AGRN: variants seen among roughly 807,000 people sequenced by gnomAD.
The protein encoded by AGRN is agrin.
Under a neutral mutation model 211.0 loss-of-function variants are expected in AGRN, and 106 were observed. The observed-to-expected ratio is 0.50, with a 90% CI of 0.43 to 0.59. The LOEUF (loss-of-function observed/expected upper bound fraction) is 0.59. Ranked by LOEUF, AGRN falls within the 20% of genes least tolerant of loss-of-function variation. AGRN has a pLI of 0.00. For missense variants in AGRN, 3,040 were observed against 2,982.6 expected (o/e 1.02, Z -0.45); for synonymous variants, 1,525 against 1,332.5 (o/e 1.14, Z -3.15).
At chr1:1,035,353 G>A in intron 3 of AGRN, 29 bp downstream of exon 3, 1 of 1,612,752 alleles carries the variant, frequency 6.2e-7, no homozygotes, top group Non-Finnish European at 8.5e-7. Flanking sequence ...GGGGGACCTG[G>A]ATGGGCTGTG....
chr1:1,020,647 C>G (rs1229330727), intron 1 of AGRN, among the ~76,000 whole-genome samples: 1 of 152,118 alleles, frequency 6.6e-6, no homozygotes, highest in Non-Finnish European at 1.5e-5. Context: ...GCCGCGCGCC[C>G]TCCCTACCGG....
chr1:1,051,611 T>C lies in AGRN; in HGVS notation c.5529T>C (p.Cys1843=). The C allele has an allele frequency of 6.2e-7, 1 of 1,609,796 alleles. No individual in the cohort carries two copies. The highest frequency in any genetic ancestry group is 1.1e-5 in the South Asian group (1 of 90,852). ...GGGAGGCTGCCTATGTGTGCCTGTGTCCCGGGGGATTCTCAGGACCGCACT... is the reference window on the plus strand; with the variant it reads ...GGGAGGCTGCCTATGTGTGCCTGTGCCCCGGGGGATTCTCAGGACCGCACT... ...VPREAAYVCL[C]PGGFSGPHCE... The change falls in exon 32 of 36, where the codon TGT becomes TGC. Residue 1843 remains cysteine (C), a synonymous_variant. Transcript: ENST00000379370.
At chr1:1,049,531 CCT>C (rs1391006044) in intron 25 of AGRN, 33 bp from the exon 26 acceptor site, 3 of 1,590,446 alleles carry the variant, frequency 1.9e-6, no homozygotes, top group South Asian at 2.3e-5. Flanking sequence ...GCCTGTGGCC[CCT>C]GAGCCCTGAC....
At chr1:1,033,688 C>T (rs1458553006) in intron 2 of AGRN, among the ~76,000 whole-genome samples, 1 of 128,426 alleles carries the variant, frequency 7.8e-6, no homozygotes, top group African/African-American at 3.0e-5. Context: ...CTCAGCGCCC[C>T]CAGGCCCAGC....
chr1:1,047,257 G>C, intron 19 of AGRN, 70 bp from the exon 20 acceptor site: 1 of 1,536,112 alleles, frequency 6.5e-7, no homozygotes, highest in Non-Finnish European at 8.7e-7. Flanking sequence ...CTTGCTGCTG[G>C]GGCCTGTGCC....
chr1:1,043,200 G>T, intron 7 of AGRN, 39 bp from the exon 8 acceptor site: 5 of 1,555,102 alleles, frequency 3.2e-6, no homozygotes, highest in Non-Finnish European at 4.3e-6. Flanking sequence ...CAGCGGAGGG[G>T]GGGCTTGTGG....
chr1:1,049,508 A>G lies in AGRN; in HGVS notation c.4514+57A>G, dbSNP rs112331531. On this transcript the variant is annotated intron_variant, in intron 25 of 35. Coordinates refer to ENST00000379370, the MANE Select transcript of AGRN (RefSeq NM_198576.4). The stretch of plus-strand genomic sequence containing the variant: ...CCCCGGCCCTTTGGGGTCCCGGTGT[A>G]CGAGGTGGCTTTGCCTGTGGCCCCT... The G allele has an allele frequency of 0.019, 30,700 of 1,596,148 alleles. 2,185 individuals carry two copies. In the African/African-American group the frequency reaches 0.23, roughly 12 times the overall value.
Position 1,048,456 on chromosome 1 carries a change from TG to T in AGRN, c.4105+96del. ...GCTAAGCCACCATCAGGCTTTGAGT[TG>T]GGGGCAGGAGCCCGGATTAAGGCGG... On this transcript the variant is annotated intron_variant, in intron 23 of 35. Transcript: ENST00000379370. The surrounding 1 kb of genome is among the most constrained non-coding windows in gnomAD (Gnocchi z 5.9). The T allele has an allele frequency of 2.8e-6, 3 of 1,082,386 alleles. No individual in the cohort carries two copies. The highest frequency in any genetic ancestry group is 3.8e-6 in the Non-Finnish European group (3 of 783,018). 67.0% of individuals were successfully genotyped at this position (1,082,386 alleles called of 1,614,324 possible). A position where few individuals can be genotyped will look rare whatever the true frequency, so the allele number is the denominator to read the frequency against.
At position 1,043,421 on chromosome 1, in the gene AGRN, G is replaced by A. The variant is rs377608464; in HGVS notation, c.1567G>A (p.Gly523Arg). 1.2e-4 allele frequency: 189 copies of A among 1,607,408 alleles called. 1 individual carries two copies. In the South Asian group the frequency reaches 1.6e-3, roughly 14 times the overall value. ...CELEATACTL[G>R]REIQVARKGP... ...GCTGGAGGCCACGGCCTGTACCCTCGGGCGGGAGATCCAGGTGGCGCGCAA... is the reference window on the plus strand; with the variant it reads ...GCTGGAGGCCACGGCCTGTACCCTCAGGCGGGAGATCCAGGTGGCGCGCAA... Residue 523 changes from glycine (G) to arginine (R), a missense_variant, in exon 8 of 36, where the codon GGG becomes AGG. By Grantham distance (125) the Gly-to-Arg change is moderately radical. Coordinates refer to ENST00000379370, the MANE Select transcript of AGRN (RefSeq NM_198576.4).
In AGRN at chr1:1,041,603, G is replaced by C. The variant is rs887135451; in HGVS notation, c.1078G>C (p.Asp360His). Residue 360 changes from aspartate to histidine, a missense_variant, in exon 6 of 36, where the codon GAC (aspartate) becomes CAC (histidine). Asp to His is a moderately conservative substitution (Grantham distance 81). Coordinates refer to ENST00000379370, the MANE Select transcript of AGRN (RefSeq NM_198576.4). ...PARQAPVCGD[D>H]GVTYENDCVM... ...CCGGCAGGCGCCAGTGTGTGGGGAC[G>C]ACGGAGTCACCTACGAAAACGACTG... The C allele has an allele frequency of 6.2e-7, 1 of 1,611,306 alleles. No individual in the cohort carries two copies. Among genetic ancestry groups the C allele is most frequent in the Non-Finnish European group, 8.5e-7 (1 of 1,179,292 alleles).
chr1:1,045,107 C>T lies in AGRN; in HGVS notation c.2255-54C>T, dbSNP rs1005573217. ...TAGGTGGAGGCAGACTGGCTGGGTC[C>T]AGGGTGGGTGTCCAGCACTGCATGA... On this transcript the variant is annotated intron_variant, in intron 12 of 35. Transcript: ENST00000379370. 1.9e-6 allele frequency: 3 copies of T among 1,577,924 alleles called. No individual in the cohort carries two copies. In the African/African-American group the frequency reaches 4.0e-5, roughly 21 times the overall value.
intron 7 of AGRN, among the ~76,000 whole-genome samples, chr1:1,042,554 C>T (rs1363531824): frequency 6.6e-6 from 1 of 152,158 alleles, no homozygotes; most frequent in Non-Finnish European, 1.5e-5. Context: ...ACTTGAAGGG[C>T]CAGGGGGAGG....
rs1339772053 is a variant in AGRN, at chr1:1,048,659, C to G, written c.4106-208C>G. Reference sequence around the variant, plus strand: ...GTGGTGGGCGCCTGTAATCCCACCTCGTGAGGCTGAGGCAGGAGAATCGCT... The same window carrying G: ...GTGGTGGGCGCCTGTAATCCCACCTGGTGAGGCTGAGGCAGGAGAATCGCT... On this transcript the variant is annotated intron_variant, in intron 23 of 35. Coordinates refer to ENST00000379370, the MANE Select transcript of AGRN (RefSeq NM_198576.4). This position sits in a 1 kb window ranked among gnomAD's most constrained non-coding sequence, Gnocchi z 5.9. The G allele has an allele frequency of 3.1e-6, 2 of 650,748 alleles. No homozygotes were observed. Among genetic ancestry groups the G allele is most frequent in the Non-Finnish European group, 5.1e-6 (2 of 393,440 alleles). 40.3% of individuals were successfully genotyped at this position (650,748 alleles called of 1,614,324 possible).
At position 1,052,056 on chromosome 1, in the gene AGRN, A is replaced by C. The variant is rs776119696; in HGVS notation, c.5651+241A>C. On this transcript the variant is annotated intron_variant, in intron 33 of 35. Transcript: ENST00000379370. The stretch of plus-strand genomic sequence containing the variant: ...GCGCCCCCCGCTCCCTCTCACTCCC[A>C]CTCCTCCATCCTTCCTGGTGGGGAG... The C allele has an allele frequency of 6.7e-6, 10 of 1,487,106 alleles. No homozygotes were observed. In the South Asian group the frequency reaches 1.2e-4, roughly 18 times the overall value. 92.1% of individuals were successfully genotyped at this position (1,487,106 alleles called of 1,614,324 possible). A position where few individuals can be genotyped will look rare whatever the true frequency, so the allele number is the denominator to read the frequency against.
At position 1,031,983 on chromosome 1, in the gene AGRN, C is replaced by G. The variant is rs1644686144; in HGVS notation, c.464-3294C>G. Among the ~76,000 whole-genome samples, 1 of 152,220 alleles carries G rather than the reference C, an allele frequency of 6.6e-6. No individual in the cohort carries two copies. The highest frequency in any genetic ancestry group is 2.4e-5 in the African/African-American group (1 of 41,438). ...GGGTTTTCTCATCCCTGGGTCACAC[C>G]CTGCGCTGGGGAGATAAAAAGTCAG... On this transcript the variant is annotated intron_variant, in intron 2 of 35. Transcript: ENST00000379370. This position sits in a 1 kb window ranked among gnomAD's most constrained non-coding sequence, Gnocchi z 4.8.
intron 2 of AGRN, among the ~76,000 whole-genome samples, chr1:1,023,302 G>T (rs1644451496): frequency 6.6e-6 from 1 of 152,218 alleles, no homozygotes; most frequent in Non-Finnish European, 1.5e-5. Context: ...TCCTTGTGGG[G>T]TCCTGGACTG....
At chr1:1,038,494 C>T (rs556142647) in intron 3 of AGRN, among the ~76,000 whole-genome samples, 14 of 152,364 alleles carry the variant, frequency 9.2e-5, no homozygotes, top group African/African-American at 3.4e-4. Context: ...TTCCCCAAGG[C>T]TCTGTCTTGG....
Position 1,048,859 on chromosome 1 carries a change from C to T in AGRN, c.4106-8C>T, listed in dbSNP as rs1362765295. The T allele has an allele frequency of 1.3e-6, 2 of 1,535,114 alleles. No homozygotes were observed. The highest frequency in any genetic ancestry group is 1.8e-6 in the Non-Finnish European group (2 of 1,141,758). ...TTTCCAGCCGGCCCTCCCGGTCGCCCTTTGCAGTGCTTGGCGCCCCTGTGC... is the reference window on the plus strand; with the variant it reads ...TTTCCAGCCGGCCCTCCCGGTCGCCTTTTGCAGTGCTTGGCGCCCCTGTGC... On this transcript the variant is annotated splice_region_variant and splice_polypyrimidine_tract_variant and intron_variant, in intron 23 of 35. Transcript: ENST00000379370. The surrounding 1 kb of genome is among the most constrained non-coding windows in gnomAD (Gnocchi z 5.9).
intron 2 of AGRN, among the ~76,000 whole-genome samples, chr1:1,022,809 C>T (rs549508371): frequency 2.6e-5 from 4 of 152,256 alleles, no homozygotes; most frequent in African/African-American, 9.6e-5. Context: ...GTTCAAGCCC[C>T]TGTGTTAGCC....
Sources: allele counts gnomAD v4.1 joint callset (sites outside exome capture counted in the v4.1 genomes callset), GRCh38; gene constraint gnomAD v4.1.1; non-coding constraint Gnocchi (gnomAD v3.1); transcripts MANE v1.5; gene names NCBI Gene and HGNC (gene_info 2026-07-23, HGNC 2026-07-21).